Variants in MACROD2 observed in about 807,000 individuals in gnomAD.
The protein encoded by MACROD2 is ADP-ribose glycohydrolase MACROD2.
MACROD2 carries 36 observed loss-of-function variants against 70.4 expected under a neutral mutation model. That is an observed-to-expected ratio of 0.51 (90% CI 0.39 to 0.68). The LOEUF (loss-of-function observed/expected upper bound fraction) is 0.68, where lower values mean the gene tolerates loss of function less well. Ranked by LOEUF, MACROD2 falls within the 30% of genes least tolerant of loss-of-function variation. MACROD2 has a pLI of 0.00. For synonymous variants in MACROD2, 172 were observed against 178.8 expected (o/e 0.96, Z 0.30); for missense variants, 496 against 538.4 (o/e 0.92, Z 0.78).
At chr20:15,864,965 A>G (rs1339373184) in intron 9 of MACROD2, among the ~76,000 whole-genome samples, 2 of 152,156 alleles carry the variant, frequency 1.3e-5, no homozygotes, top group Non-Finnish European at 2.9e-5. Context: ...AATATACATA[A>G]TATACCTTAC....
At position 14,719,157 on chromosome 20, in the gene MACROD2, GGGA is replaced by G. The variant is rs1256785467; in HGVS notation, c.418+34201_418+34203del. Among the ~76,000 whole-genome samples the G allele has an allele frequency of 1.8e-4, 27 of 152,066 alleles. 1 individual carries two copies. Among genetic ancestry groups the G allele is most frequent in the Middle Eastern group, 3.4e-3 (1 of 292 alleles). On this transcript the variant is annotated intron_variant, in intron 5 of 17. Transcript: ENST00000684519. ...TGAGGCAGGAGAATCACTTGAACTCGGGAGGCAGAGGTTGCAGTGAGCGAGATC... is the reference window on the plus strand; with the variant it reads ...TGAGGCAGGAGAATCACTTGAACTCGGGCAGAGGTTGCAGTGAGCGAGATC...
At chr20:14,969,636 GCCTTTGATTTTTTTTC>G (rs1260934170) in intron 5 of MACROD2, among the ~76,000 whole-genome samples, 7 of 152,020 alleles carry the variant, frequency 4.6e-5, no homozygotes, top group African/African-American at 1.7e-4. Flanking sequence ...GGATGTAAGT[GCCTTTGATTTTTTTTC>G]CTAAAGAAAA....
chr20:14,150,928 G>A (rs1247982741), intron 3 of MACROD2, among the ~76,000 whole-genome samples: 1 of 152,170 alleles, frequency 6.6e-6, no homozygotes, highest in Non-Finnish European at 1.5e-5. Flanking sequence ...ATTCCTGCAA[G>A]TCAACTTTTC....
chr20:15,769,474 A>G (rs970464387), intron 8 of MACROD2, among the ~76,000 whole-genome samples: 1 of 152,196 alleles, frequency 6.6e-6, no homozygotes, highest in East Asian at 1.9e-4. Flanking sequence ...ATTAACTATT[A>G]TGTATGTATA....
chr20:15,154,007 AT>A (rs1475140338), intron 5 of MACROD2, among the ~76,000 whole-genome samples: 1 of 152,134 alleles, frequency 6.6e-6, no homozygotes, highest in Admixed American at 6.5e-5. Context: ...TTTTCAAAGG[AT>A]TTTAGTCACA....
intron 3 of MACROD2, among the ~76,000 whole-genome samples, chr20:14,223,958 A>G (rs1036084449): frequency 6.6e-6 from 1 of 152,128 alleles, no homozygotes; most frequent in Non-Finnish European, 1.5e-5. Context: ...GAGACCTGAG[A>G]AAGAGTTGCA....
intron 3 of MACROD2, among the ~76,000 whole-genome samples, chr20:14,431,245 A>G (rs1312759595): frequency 6.6e-6 from 1 of 152,136 alleles, no homozygotes; most frequent in African/African-American, 2.4e-5. Context: ...TGTGTATGCA[A>G]GGAGGCATAC....
intron 5 of MACROD2, among the ~76,000 whole-genome samples, chr20:14,692,246 A>G (rs963386450): frequency 6.6e-6 from 1 of 152,174 alleles, no homozygotes; most frequent in African/African-American, 2.4e-5. Flanking sequence ...TGTGAGGGCC[A>G]TTGCCCTAGA....
intron 3 of MACROD2, among the ~76,000 whole-genome samples, chr20:14,294,939 AGTGTCAGAAACACTACTTCT>A (rs2082414719): frequency 6.6e-6 from 1 of 151,536 alleles, no homozygotes; most frequent in Non-Finnish European, 1.5e-5. Flanking sequence ...CTGACACAGA[AGTGTCAGAAACACTACTTCT>A]GTGTCAGAAA....
At position 15,359,298 on chromosome 20, in the gene MACROD2, A is replaced by G. The variant is rs184905383; in HGVS notation, c.541-72107A>G. On this transcript the variant is annotated intron_variant, in intron 6 of 17. Transcript: ENST00000684519. ...TTGATCTTATGAATCAGAACCTTCA[A>G]CTGAAGAAACTGCTTACTCAGAATG... Among the ~76,000 whole-genome samples the G allele has an allele frequency of 1.4e-3, 213 of 152,186 alleles. No homozygotes were observed. In the South Asian group the frequency reaches 0.016, roughly 11 times the overall value.
intron 10 of MACROD2, among the ~76,000 whole-genome samples, chr20:15,921,146 TC>T (rs909098369): frequency 3.3e-5 from 5 of 152,052 alleles, no homozygotes; most frequent in Non-Finnish European, 7.4e-5. Context: ...CATGCCTCAC[TC>T]CCAGCAAAGG....
At chr20:15,152,901 TAAGAG>T (rs1204914411) in intron 5 of MACROD2, among the ~76,000 whole-genome samples, 1 of 151,928 alleles carries the variant, frequency 6.6e-6, no homozygotes, top group Non-Finnish European at 1.5e-5. Flanking sequence ...GAATTGAAAT[TAAGAG>T]AAGGGAGAGA....
chr20:15,569,186 TG>T (rs534323368), intron 8 of MACROD2, among the ~76,000 whole-genome samples: 39 of 152,302 alleles, frequency 2.6e-4, no homozygotes, highest in Admixed American at 4.6e-4. Flanking sequence ...CCACGGTGTA[TG>T]GGGGCTGTGT....
chr20:14,440,230 T>C (rs1352353106), intron 3 of MACROD2, among the ~76,000 whole-genome samples: 1 of 152,150 alleles, frequency 6.6e-6, no homozygotes, highest in Non-Finnish European at 1.5e-5. Context: ...AATGAGGCAA[T>C]ATAGCTAATA....
At position 14,326,643 on chromosome 20, in the gene MACROD2, C is replaced by T. The variant is rs765363483; in HGVS notation, c.272-166836C>T. On this transcript the variant is annotated intron_variant, in intron 3 of 17. Transcript: ENST00000684519. This position sits in a 1 kb window ranked among gnomAD's most constrained non-coding sequence, Gnocchi z 5.5. ...TATTGTCCAAATCATCAAAGATACC[C>T]TGAGGTAAATTACTTAGGTTATTAT... 1 of 1,613,738 alleles carries T rather than the reference C, an allele frequency of 6.2e-7. No individual in the cohort carries two copies. The highest frequency in any genetic ancestry group is 1.1e-5 in the South Asian group (1 of 91,074).
chr20:15,575,743 G>T (rs2048438653), intron 8 of MACROD2, among the ~76,000 whole-genome samples: 1 of 152,158 alleles, frequency 6.6e-6, no homozygotes, highest in Non-Finnish European at 1.5e-5. Context: ...GAATAGGGCT[G>T]CATAAATTTT....
At chr20:14,861,144 A>T (rs1051108406) in intron 5 of MACROD2, among the ~76,000 whole-genome samples, 18 of 152,160 alleles carry the variant, frequency 1.2e-4, no homozygotes, top group Admixed American at 2.6e-4. Context: ...AAGTGTGGGC[A>T]GCATTGAGGG....
Position 15,771,783 on chromosome 20 carries a change from A to G in MACROD2, c.646-90962A>G, listed in dbSNP as rs186436318. Reference sequence around the variant, plus strand: ...ATGACCCTATAATTACACATCTAAGATAGTTTTAAAATCTTTCTGGGCCAG... The same window carrying G: ...ATGACCCTATAATTACACATCTAAGGTAGTTTTAAAATCTTTCTGGGCCAG... On this transcript the variant is annotated intron_variant, in intron 8 of 17. Coordinates refer to ENST00000684519, the MANE Select transcript of MACROD2 (RefSeq NM_001351661.2). 1.9e-3 allele frequency among the ~76,000 whole-genome samples: 288 copies of G among 151,942 alleles called. 3 individuals are homozygous for G. Among genetic ancestry groups the G allele is most frequent in the African/African-American group, 6.1e-3 (255 of 41,476 alleles).
At chr20:15,878,083 A>C (rs1282612740) in intron 9 of MACROD2, among the ~76,000 whole-genome samples, 1 of 151,946 alleles carries the variant, frequency 6.6e-6, no homozygotes, top group Non-Finnish European at 1.5e-5. Flanking sequence ...ATTCATGCTC[A>C]TGTCTCCTAG....
Sources: allele counts gnomAD v4.1 joint callset (sites outside exome capture counted in the v4.1 genomes callset), GRCh38; gene constraint gnomAD v4.1.1; non-coding constraint Gnocchi (gnomAD v3.1); transcripts MANE v1.5; gene names NCBI Gene and HGNC (gene_info 2026-07-23, HGNC 2026-07-21).